The following CNGA3 variants were observed in gnomAD, a reference collection of about 807,000 sequenced individuals.
The protein encoded by CNGA3 is cyclic nucleotide-gated channel alpha-3.
In CNGA3, 42 loss-of-function variants were observed where a neutral mutation model predicts 46.6. The observed-to-expected ratio is 0.90, with a 90% CI of 0.70 to 1.17. The LOEUF (loss-of-function observed/expected upper bound fraction) is 1.17. Ranked by LOEUF, CNGA3 falls within the 50% of genes most tolerant of loss-of-function variation. The pLI, the probability that CNGA3 is intolerant of heterozygous loss-of-function variation, is 0.00. For synonymous variants in CNGA3, 394 were observed against 369.4 expected (o/e 1.07, Z -0.76); for missense variants, 893 against 890.7 (o/e 1.00, Z -0.03).
At chr2:98,383,281 C>T in intron 4 of CNGA3, 107 bp from the exon 5 acceptor site, 2 of 1,044,034 alleles carry the variant, frequency 1.9e-6, no homozygotes, top group Non-Finnish European at 3.0e-6. Context: ...AGGCTGGAAG[C>T]AGTGGGATAG....
Position 98,380,275 on chromosome 2 carries a change from G to C in CNGA3, c.316G>C (p.Glu106Gln). 6.2e-7 allele frequency: 1 copy of C among 1,614,178 alleles called. No homozygotes were observed. The highest frequency in any genetic ancestry group is 8.5e-7 in the Non-Finnish European group (1 of 1,180,044). Residue 106 changes from glutamate (E) to glutamine (Q), a missense_variant, in exon 4 of 8, where the codon GAG (glutamate) becomes CAG (glutamine). This residue lies in a region of CNGA3 where 333 missense variants were observed against 290.8 expected (regional missense o/e 1.15). Transcript: ENST00000272602. ...DSFPDRFRGA[E>Q]LKEVSSQESN... Reference sequence around the variant, plus strand: ...TTTTCCTGATCGTTTCCGTGGAGCCGAGCTTAAGGAGGTGTCCAGCCAAGA... The same window carrying C: ...TTTTCCTGATCGTTTCCGTGGAGCCCAGCTTAAGGAGGTGTCCAGCCAAGA...
At chr2:98,378,087 C>G in intron 3 of CNGA3, 2 of 1,550,718 alleles carry the variant, frequency 1.3e-6, no homozygotes, top group Non-Finnish European at 1.7e-6. Context: ...AAAAGCCAAC[C>G]GGAGAAGGTG....
chr2:98,348,787 A>C (rs1323420670), intron 1 of CNGA3, among the ~76,000 whole-genome samples: 3 of 152,192 alleles, frequency 2.0e-5, no homozygotes, highest in Non-Finnish European at 4.4e-5. Context: ...TTAAACAGAC[A>C]CAGTCCCTGC....
intron 4 of CNGA3, 145 bp downstream of exon 4, chr2:98,380,499 C>T (rs1176425755): frequency 9.4e-7 from 1 of 1,061,980 alleles, no homozygotes; most frequent in Non-Finnish European, 1.4e-6. Context: ...AGTGTTTGCC[C>T]TTGGGGGAGC....
intron 5 of CNGA3, among the ~76,000 whole-genome samples, chr2:98,385,250 A>G (rs1296274096): frequency 6.6e-6 from 1 of 152,244 alleles, no homozygotes; most frequent in African/African-American, 2.4e-5. Flanking sequence ...GCTTGAGGGC[A>G]GCGCCGTCTG....
intron 7 of CNGA3, 39 bp from the exon 8 acceptor site, chr2:98,395,805 G>C: frequency 6.3e-7 from 1 of 1,590,142 alleles, no homozygotes; most frequent in Non-Finnish European, 8.6e-7. Flanking sequence ...AAAAAAGTCA[G>C]CCTCTGTGAT....
chr2:98,396,281 C>A lies in CNGA3; in HGVS notation c.1111C>A (p.Pro371Thr). 1.9e-6 allele frequency: 3 copies of A among 1,610,856 alleles called. No homozygotes were observed. The highest frequency in any genetic ancestry group is 4.5e-5 in the East Asian group (2 of 44,806). The change falls in exon 8 of 8, where the codon CCC (proline) becomes ACC (threonine). Residue 371 changes from proline to threonine, a missense_variant. Transcript: ENST00000272602. ...LTLTTIGETP[P>T]PVKDEEYLFV... is the part of the protein sequence containing the mutation. ...CCTTACCACCATTGGTGAGACCCCA[C>A]CCCCCGTGAAAGATGAGGAGTATCT...
intron 2 of CNGA3, among the ~76,000 whole-genome samples, chr2:98,373,088 C>T (rs1005040245): frequency 2.0e-5 from 3 of 152,058 alleles, no homozygotes; most frequent in African/African-American, 4.8e-5. Context: ...TTGGAGTCAC[C>T]AAGGAATGAC....
chr2:98,360,220 T>A (rs1343723446), intron 1 of CNGA3, among the ~76,000 whole-genome samples: 10 of 152,098 alleles, frequency 6.6e-5, no homozygotes, highest in Admixed American at 6.5e-4. Context: ...GCTGTGAGGA[T>A]TAAGTAAGGA....
chr2:98,386,701 G>A (rs1692661432), intron 5 of CNGA3, among the ~76,000 whole-genome samples: 1 of 152,220 alleles, frequency 6.6e-6, no homozygotes, highest in Non-Finnish European at 1.5e-5. Flanking sequence ...AAGCAGAAGA[G>A]TGGGTCAGAG....
chr2:98,384,179 C>A (rs756499811), intron 5 of CNGA3, among the ~76,000 whole-genome samples: 1 of 152,166 alleles, frequency 6.6e-6, no homozygotes, highest in Non-Finnish European at 1.5e-5. Flanking sequence ...TGAGCCACTG[C>A]GCCTCGCCTG....
At position 98,380,231 on chromosome 2, in the gene CNGA3, A is replaced by G. The variant is rs1692506684; in HGVS notation, c.272A>G (p.Gln91Arg). 6.2e-7 allele frequency: 1 copy of G among 1,614,108 alleles called. No homozygotes were observed. Among genetic ancestry groups the G allele is most frequent in the African/African-American group, 1.3e-5 (1 of 74,940 alleles). ...TGGGCTGCCAGGCATGTGCACCACC[A>G]GGACCAGGGACCGGACTCTTTTCCT... ...RRWAARHVHH[Q>R]DQGPDSFPDR... Residue 91 changes from glutamine (Q) to arginine (R), a missense_variant, in exon 4 of 8, where the codon CAG becomes CGG. Physicochemically the swap from Gln to Arg is conservative, Grantham distance 43. This residue lies in a region of CNGA3 where 333 missense variants were observed against 290.8 expected (regional missense o/e 1.15). Transcript: ENST00000272602.
In CNGA3 at chr2:98,389,735, C is replaced by A; in HGVS notation, c.527C>A (p.Ala176Asp). The A allele has an allele frequency of 6.2e-7, 1 of 1,613,540 alleles. No individual in the cohort carries two copies. Among genetic ancestry groups the A allele is most frequent in the Non-Finnish European group, 8.5e-7 (1 of 1,180,016 alleles). The change falls in exon 6 of 8, where the codon GCC (alanine) becomes GAC (aspartate). Residue 176 changes from alanine (A) to aspartate (D), a missense_variant. By Grantham distance (126) the Ala-to-Asp change is moderately radical. Transcript: ENST00000272602. ...NLYYRWLTAI[A>D]LPVFYNWYLL... ...TACTACCGCTGGCTGACCGCCATCG[C>A]CCTGCCTGTCTTCTATAACTGGTAT...
intron 1 of CNGA3, 56 bp from the exon 2 acceptor site, chr2:98,369,883 G>A (rs921844203): frequency 1.7e-6 from 2 of 1,150,450 alleles, no homozygotes; most frequent in Non-Finnish European, 2.6e-6. Context: ...TGATGAGCTG[G>A]GTTTGCAGTT....
In CNGA3 at chr2:98,396,569, G is replaced by A. The variant is rs1170387198; in HGVS notation, c.1399G>A (p.Glu467Lys). Reference sequence around the variant, plus strand: ...GAGCCTCCCAGACAAGCTGAAGGCTGAGATCGCCATCAACGTGCACCTGGA... The same window carrying A: ...GAGCCTCCCAGACAAGCTGAAGGCTAAGATCGCCATCAACGTGCACCTGGA... Reference protein sequence around the residue: ...LKSLPDKLKAEIAINVHLDTL... With the variant: ...LKSLPDKLKAKIAINVHLDTL... The change falls in exon 8 of 8, where the codon GAG becomes AAG. Residue 467 changes from glutamate to lysine, a missense_variant. By Grantham distance (56) the Glu-to-Lys change is moderately conservative. This residue lies in a region of CNGA3 where 548 missense variants were observed against 570.8 expected (regional missense o/e 0.96). Transcript: ENST00000272602. The A allele has an allele frequency of 6.2e-7, 1 of 1,614,018 alleles. No individual in the cohort carries two copies. Among genetic ancestry groups the A allele is most frequent in the Non-Finnish European group, 8.5e-7 (1 of 1,179,974 alleles).
At chr2:98,367,188 T>TTTTTTTTC (rs1692180239) in intron 1 of CNGA3, among the ~76,000 whole-genome samples, 1 of 142,366 alleles carries the variant, frequency 7.0e-6, no homozygotes, top group African/African-American at 2.6e-5. Context: ...TTTTTTTCTT[T>TTTTTTTTC]TTTTTTTTTT....
In CNGA3 at chr2:98,398,492, T is replaced by C. The variant is rs1249875727; in HGVS notation, c.*1237T>C. 2.0e-5 allele frequency: 3 copies of C among 152,194 alleles called. No individual in the cohort carries two copies. Among genetic ancestry groups the C allele is most frequent in the Non-Finnish European group, 4.4e-5 (3 of 68,038 alleles). The allele number at this position is 152,194 out of a possible 1,614,324, so 9.4% of individuals were successfully genotyped here. A position where few individuals can be genotyped will look rare whatever the true frequency, so the allele number is the denominator to read the frequency against. The stretch of plus-strand genomic sequence containing the variant: ...TTCTTCTTCCTTCTTTCTTCCTTTT[T>C]CTCTCTCCTCTTTTCCTCCTCAAAA... On this transcript the variant is annotated 3_prime_UTR_variant, in exon 8 of 8. Coordinates refer to ENST00000272602, the MANE Select transcript of CNGA3 (RefSeq NM_001298.3).
At chr2:98,382,828 G>C (rs150484884) in intron 4 of CNGA3, among the ~76,000 whole-genome samples, 340 of 152,336 alleles carry the variant, frequency 2.2e-3, no homozygotes, top group African/African-American at 7.9e-3. Context: ...GGAGATAGGA[G>C]AGGACAAGAG....
chr2:98,384,141 G>A (rs2104215659), intron 5 of CNGA3, among the ~76,000 whole-genome samples: 1 of 152,144 alleles, frequency 6.6e-6, no homozygotes, highest in South Asian at 2.1e-4. Context: ...CACCCGCCTC[G>A]GCCTCCAAAG....
Sources: gnomAD v4.1 joint callset for allele counts (sites outside exome capture counted in the v4.1 genomes callset) on GRCh38, gnomAD v4.1.1 for gene constraint, gnomAD v4.1.1 regional missense constraint, MANE v1.5 for transcripts, NCBI Gene and HGNC (gene_info 2026-07-23, HGNC 2026-07-21) for gene names.